Variants in OTOGL observed in about 807,000 individuals in gnomAD.
OTOGL encodes otogelin like.
Under a neutral mutation model 318.5 loss-of-function variants are expected in OTOGL, and 285 were observed. That is an observed-to-expected ratio of 0.89 (90% CI 0.81 to 0.99). The LOEUF (loss-of-function observed/expected upper bound fraction) is 0.99. Among genes scored for constraint, OTOGL ranks in the 50% least tolerant of loss-of-function variants. The pLI is 0.00. For missense variants in OTOGL, 2,899 were observed against 2,845.6 expected, an observed-to-expected ratio of 1.02 and a Z score of -0.43; for synonymous variants, 987 against 936.5, an observed-to-expected ratio of 1.05 and a Z score of -0.99.
At chr12:80,320,035 T>A (rs558864656) in intron 33 of OTOGL, among the ~76,000 whole-genome samples, 1 of 152,224 alleles carries the variant, frequency 6.6e-6, no homozygotes, top group Non-Finnish European at 1.5e-5. Context: ...TAGTAGGTTT[T>A]GTACATTTGT....
intron 49 of OTOGL, among the ~76,000 whole-genome samples, 157 bp from the exon 50 acceptor site, chr12:80,358,088 GTAT>G (rs1369515040): frequency 1.3e-5 from 2 of 152,114 alleles, no homozygotes; most frequent in African/African-American, 4.8e-5. Flanking sequence ...TACTCAGACA[GTAT>G]TATTGTTTTT....
chr12:80,264,405 T>C (rs1882787301), intron 19 of OTOGL, among the ~76,000 whole-genome samples: 1 of 152,220 alleles, frequency 6.6e-6, no homozygotes, highest in Admixed American at 6.5e-5. Flanking sequence ...CAATTTCTAC[T>C]CATTATTCAC....
At chr12:80,187,467 A>G (rs1920405) in intron 1 of OTOGL, among the ~76,000 whole-genome samples, 6,722 of 152,286 alleles carry the variant, frequency 0.044, 218 homozygotes, top group East Asian at 0.13. Context: ...AAAGGACGAC[A>G]GGATGAGAGG....
At chr12:80,204,580 G>C (rs965938007) in intron 1 of OTOGL, among the ~76,000 whole-genome samples, 2 of 152,112 alleles carry the variant, frequency 1.3e-5, no homozygotes, top group South Asian at 4.1e-4. Context: ...AAGTAACCTA[G>C]AAAATAAAAG....
At chr12:80,296,400 A>G (rs1015118053) in intron 26 of OTOGL, among the ~76,000 whole-genome samples, 4 of 152,232 alleles carry the variant, frequency 2.6e-5, no homozygotes, top group African/African-American at 7.2e-5. Flanking sequence ...AAAGTTTTGT[A>G]TCTATTTGAA....
chr12:80,229,412 A>C (rs745766655), intron 8 of OTOGL, 34 bp downstream of exon 8: 2 of 1,567,672 alleles, frequency 1.3e-6, no homozygotes. Flanking sequence ...TGTCAGTAAC[A>C]CCACAAATTA....
chr12:80,242,852 A>G (rs1880499999), intron 11 of OTOGL, among the ~76,000 whole-genome samples: 1 of 152,128 alleles, frequency 6.6e-6, no homozygotes, highest in Admixed American at 6.5e-5. Context: ...ACTTTATCAG[A>G]GAGTGCCTAC....
chr12:80,356,726 A>G, intron 48 of OTOGL, 81 bp from the exon 49 acceptor site: 1 of 761,428 alleles, frequency 1.3e-6, no homozygotes, highest in Admixed American at 3.5e-5. Context: ...GTTATTTATT[A>G]CTAAATTCAA....
chr12:80,221,367 C>A (rs1878316123), intron 6 of OTOGL, among the ~76,000 whole-genome samples: 1 of 150,412 alleles, frequency 6.6e-6, no homozygotes, highest in South Asian at 2.1e-4. Flanking sequence ...TGGGTTCAAG[C>A]AATTCTTGTG....
In OTOGL at chr12:80,160,279, G is replaced by A. The variant is rs556730655; in HGVS notation, c.-19-49134G>A. 5.3e-5 allele frequency among the ~76,000 whole-genome samples: 8 copies of A among 152,028 alleles called. No individual in the cohort carries two copies. In the East Asian group the frequency reaches 1.4e-3, roughly 26 times the overall value. ...CTAAAAAGCTTCTTCACAGCAAAAG[G>A]AACAGTCAGCAGAGTAAATAGACAA... On this transcript the variant is annotated intron_variant, in intron 1 of 58. Coordinates refer to ENST00000547103, the MANE Select transcript of OTOGL (RefSeq NM_001378609.3).
In OTOGL at chr12:80,372,046, GA is replaced by G; in HGVS notation, c.6765del (p.Gly2256AlafsTer16). On this transcript the variant is annotated frameshift_variant, in exon 57 of 59. Transcript: ENST00000547103. LOFTEE classifies it high-confidence loss of function. ...TGAAGGGATTGTGAAGCTTTATAAT[GA>G]AGGCTGTTGCAAGATCTGTAAGTGA... ...MNEGIVKLYNEGCCKICKREE... is the reference protein window; with the variant it reads ...MNEGIVKLYNXGCCKICKREE... 6.4e-7 allele frequency: 1 copy of G among 1,554,854 alleles called. No homozygotes were observed. The highest frequency in any genetic ancestry group is 8.7e-7 in the Non-Finnish European group (1 of 1,148,884).
At chr12:80,328,871 T>A in intron 36 of OTOGL, 127 bp downstream of exon 36, 1 of 1,050,170 alleles carries the variant, frequency 9.5e-7, no homozygotes, top group Non-Finnish European at 1.4e-6. Flanking sequence ...TTCTTCAATG[T>A]CTCTTACATA....
In OTOGL at chr12:80,370,680, A is replaced by C. The variant is rs960802929; in HGVS notation, c.6726A>C (p.Glu2242Asp). 2 of 1,575,860 alleles carry C rather than the reference A, an allele frequency of 1.3e-6. No homozygotes were observed. The highest frequency in any genetic ancestry group is 2.7e-5 in the African/African-American group (2 of 73,620). ...TCTGTCCCCCTTTTAATGAGACTGA[A>C]TGCAAAATGGTTTGTACTTTGTTGT... ...TMVCPPFNET[E>D]CKMNEGIVKL... is the part of the protein sequence containing the mutation. Residue 2242 changes from glutamate to aspartate, a missense_variant, in exon 56 of 59, where the codon GAA becomes GAC. Glu to Asp is a conservative substitution (Grantham distance 45). Transcript: ENST00000547103.
At chr12:80,264,902 A>G (rs1882825572) in intron 19 of OTOGL, 99 bp from the exon 20 acceptor site, 2 of 1,207,232 alleles carry the variant, frequency 1.7e-6, no homozygotes, top group African/African-American at 1.5e-5. Flanking sequence ...ATTAAAAGTA[A>G]TATGCACTAC....
chr12:80,286,297 G>A (rs185332211), intron 26 of OTOGL, among the ~76,000 whole-genome samples: 4 of 152,192 alleles, frequency 2.6e-5, no homozygotes, highest in Non-Finnish European at 4.4e-5. Context: ...GAGGATTTTC[G>A]CATTGATGTA....
intron 52 of OTOGL, chr12:80,361,208 C>T (rs1890219898): frequency 6.6e-6 from 1 of 152,034 alleles, no homozygotes; most frequent in East Asian, 1.9e-4. Flanking sequence ...TTTTTAGATT[C>T]TGCATATAAA....
rs148583510 is a variant in OTOGL at position 80,137,738 on chromosome 12, T to C, written c.-20+38133T>C. Among the ~76,000 whole-genome samples, 305 of 152,328 alleles carry C rather than the reference T, an allele frequency of 2.0e-3. 1 individual carries two copies. Among genetic ancestry groups the C allele is most frequent in the Non-Finnish European group, 3.3e-3 (226 of 68,018 alleles). On this transcript the variant is annotated intron_variant, in intron 1 of 58. Coordinates refer to ENST00000547103, the MANE Select transcript of OTOGL (RefSeq NM_001378609.3). ...TGCCTCATGTTTCTAGGTTTATTAG[T>C]GTCATGTTCTGATGCCAGGGTAATT... is the stretch of plus-strand genomic sequence containing the variant.
intron 29 of OTOGL, among the ~76,000 whole-genome samples, chr12:80,309,638 A>G (rs1425679318): frequency 6.6e-6 from 1 of 152,234 alleles, no homozygotes; most frequent in Non-Finnish European, 1.5e-5. Context: ...TGTATTAGGA[A>G]GGATGAATTT....
intron 1 of OTOGL, among the ~76,000 whole-genome samples, chr12:80,150,376 G>A (rs1018117856): frequency 2.6e-5 from 4 of 152,172 alleles, no homozygotes; most frequent in Non-Finnish European, 5.9e-5. Flanking sequence ...AAAAGATAAA[G>A]CTGTTCAAAA....
Sources: allele counts gnomAD v4.1 joint callset (sites outside exome capture counted in the v4.1 genomes callset), GRCh38; gene constraint gnomAD v4.1.1; transcripts MANE v1.5; gene names NCBI Gene and HGNC (gene_info 2026-07-23, HGNC 2026-07-21).